The following C3orf20 variants were observed in gnomAD, a reference collection of about 807,000 sequenced individuals.
The protein encoded by C3orf20 is uncharacterized protein C3orf20.
Under a neutral mutation model 88.3 loss-of-function variants are expected in C3orf20, and 76 were observed. The observed-to-expected ratio is 0.86, with a 90% CI of 0.72 to 1.04. The LOEUF (loss-of-function observed/expected upper bound fraction) is 1.04, where lower values mean the gene tolerates loss of function less well. Ranked by LOEUF, C3orf20 falls within the 50% of genes least tolerant of loss-of-function variation. The pLI, the probability that C3orf20 is intolerant of heterozygous loss-of-function variation, is 0.00. For synonymous variants in C3orf20, 436 were observed against 437.4 expected (o/e 1.00, Z 0.04); for missense variants, 1,056 against 1,123.3 (o/e 0.94, Z 0.86).
chr3:14,694,695 TCTTATC>T (rs1176196997), intron 5 of C3orf20, among the ~76,000 whole-genome samples: 2 of 152,208 alleles, frequency 1.3e-5, no homozygotes, highest in African/African-American at 4.8e-5. Flanking sequence ...TTATTTCTGC[TCTTATC>T]CTTATTATTT....
At chr3:14,691,623 T>G (rs946896814) in intron 5 of C3orf20, among the ~76,000 whole-genome samples, 2 of 152,238 alleles carry the variant, frequency 1.3e-5, no homozygotes, top group Non-Finnish European at 2.9e-5. Flanking sequence ...TAACTTTTTT[T>G]AATTTTAAAT....
At chr3:14,688,086 TA>T (rs1203576787) in intron 4 of C3orf20, among the ~76,000 whole-genome samples, 1 of 152,164 alleles carries the variant, frequency 6.6e-6, no homozygotes, top group African/African-American at 2.4e-5. Context: ...TCATTCATCC[TA>T]AAAGGACTTT....
chr3:14,772,911 G>A lies in C3orf20; in HGVS notation c.*36G>A, dbSNP rs770586952. ...GCAGCAGCCAAGTGAGCCAGGCCCC[G>A]GCCCGGGGTGCTGGGGCTTCTTGCC... On this transcript the variant is annotated 3_prime_UTR_variant, in exon 17 of 17. Transcript: ENST00000253697. The surrounding 1 kb of genome is among the most constrained non-coding windows in gnomAD (Gnocchi z 4.2). The A allele has an allele frequency of 9.0e-6, 14 of 1,547,836 alleles. No homozygotes were observed. The highest frequency in any genetic ancestry group is 1.8e-4 in the Middle Eastern group (1 of 5,464).
rs760309641 is a variant in C3orf20 at position 14,682,868 on chromosome 3, A to T, written c.155A>T (p.Glu52Val). The change falls in exon 3 of 17, where the codon GAA becomes GTA. Residue 52 changes from glutamate to valine, a missense_variant. Coordinates refer to ENST00000253697, the MANE Select transcript of C3orf20 (RefSeq NM_032137.5). ...GIRNIFEFTW[E>V]ELISDPSVPT... ...AGAAACATCTTTGAGTTCACTTGGG[A>T]AGAGCTCATCAGTGACCCTTCAGTG... The T allele has an allele frequency of 6.2e-7, 1 of 1,614,078 alleles. No homozygotes were observed. Among genetic ancestry groups the T allele is most frequent in the Non-Finnish European group, 8.5e-7 (1 of 1,180,040 alleles).
intron 7 of C3orf20, among the ~76,000 whole-genome samples, chr3:14,711,712 T>G (rs1000570960): frequency 1.3e-5 from 2 of 151,044 alleles, no homozygotes; most frequent in Non-Finnish European, 2.9e-5. Context: ...CTTGGCTCGT[T>G]GCAACCTCCA....
chr3:14,721,982 CAGTTGTA>C (rs778489772), intron 10 of C3orf20, 198 bp downstream of exon 10: 6 of 604,612 alleles, frequency 9.9e-6, no homozygotes, highest in African/African-American at 1.9e-5. Context: ...AAGGGTCTTC[CAGTTGTA>C]AGTGACAGAA....
At chr3:14,710,509 C>G (rs1443530642) in intron 7 of C3orf20, among the ~76,000 whole-genome samples, 1 of 151,998 alleles carries the variant, frequency 6.6e-6, no homozygotes, top group African/African-American at 2.4e-5. Context: ...CTGAGTGTTG[C>G]TTTGCCTTTC....
chr3:14,690,225 T>C (rs1202199869), intron 5 of C3orf20, 109 bp downstream of exon 5: 1 of 1,464,944 alleles, frequency 6.8e-7, no homozygotes, highest in Non-Finnish European at 9.3e-7. Flanking sequence ...TTTGGTCTTC[T>C]GATTAGAAGG....
intron 1 of C3orf20, among the ~76,000 whole-genome samples, chr3:14,678,734 G>A (rs1003226366): frequency 4.6e-5 from 7 of 152,114 alleles, no homozygotes; most frequent in Admixed American, 2.0e-4. Context: ...ATATTTTTCC[G>A]TTTCTGGCAT....
At chr3:14,744,493 TA>T (rs2035004187) in intron 12 of C3orf20, among the ~76,000 whole-genome samples, 1 of 152,004 alleles carries the variant, frequency 6.6e-6, no homozygotes, top group Non-Finnish European at 1.5e-5. Context: ...CTTTGTCTGT[TA>T]CCCAGTTCCA....
At chr3:14,691,338 C>T (rs775673479) in intron 5 of C3orf20, among the ~76,000 whole-genome samples, 1 of 152,154 alleles carries the variant, frequency 6.6e-6, no homozygotes, top group Admixed American at 6.5e-5. Flanking sequence ...TATCATGTGC[C>T]CTCCTGAGCT....
chr3:14,765,903 C>T lies in C3orf20; in HGVS notation c.2495+4288C>T, dbSNP rs148485864. ...GGTGCTGGGGAAGAAAGGGTCCCCA[C>T]GGGGGCCTCATGAGCTCCAGCAGGG... On this transcript the variant is annotated intron_variant, in intron 15 of 16. Coordinates refer to ENST00000253697, the MANE Select transcript of C3orf20 (RefSeq NM_032137.5). Among the ~76,000 whole-genome samples, 50 of 152,336 alleles carry T rather than the reference C, an allele frequency of 3.3e-4. No individual in the cohort carries two copies. In the East Asian group the frequency reaches 8.5e-3, roughly 26 times the overall value.
chr3:14,745,102 C>G (rs1340877611), intron 12 of C3orf20, among the ~76,000 whole-genome samples: 1 of 152,206 alleles, frequency 6.6e-6, no homozygotes, highest in Non-Finnish European at 1.5e-5. Context: ...ACTGACAAAT[C>G]TGTTTGCCTG....
intron 3 of C3orf20, 139 bp from the exon 4 acceptor site, chr3:14,684,103 G>A: frequency 8.7e-7 from 1 of 1,150,754 alleles, no homozygotes; most frequent in South Asian, 1.5e-5. Flanking sequence ...GCCTTTCACA[G>A]TAGCCCCCTC....
intron 15 of C3orf20, among the ~76,000 whole-genome samples, chr3:14,764,507 A>ATTATTGTTGTTGTTG (rs1286567408): frequency 7.5e-5 from 10 of 132,842 alleles, no homozygotes; most frequent in African/African-American, 3.0e-4. Flanking sequence ...TATTATTATT[A>ATTATTGTTGTTGTTG]TTGTTGTTGT....
chr3:14,729,490 A>G (rs910814521), intron 12 of C3orf20, among the ~76,000 whole-genome samples: 4 of 152,210 alleles, frequency 2.6e-5, no homozygotes, highest in African/African-American at 9.7e-5. Flanking sequence ...GAGTTTGGTC[A>G]TGTAGCCTTG....
intron 12 of C3orf20, among the ~76,000 whole-genome samples, chr3:14,740,495 G>A (rs1008318108): frequency 2.0e-5 from 3 of 152,054 alleles, no homozygotes; most frequent in Admixed American, 6.5e-5. Flanking sequence ...AATATTGCAG[G>A]AATTACCAAA....
intron 7 of C3orf20, among the ~76,000 whole-genome samples, chr3:14,712,025 C>T (rs1458660392): frequency 6.6e-6 from 1 of 151,852 alleles, no homozygotes; most frequent in Non-Finnish European, 1.5e-5. Context: ...AATTTGTAAC[C>T]ACATGGAACC....
intron 5 of C3orf20, among the ~76,000 whole-genome samples, chr3:14,698,075 G>A (rs1383648941): frequency 2.6e-5 from 4 of 152,204 alleles, no homozygotes; most frequent in African/African-American, 7.2e-5. Flanking sequence ...TATATACCCA[G>A]TAATGGGATT....
Sources: gnomAD v4.1 joint callset for allele counts (sites outside exome capture counted in the v4.1 genomes callset) on GRCh38, gnomAD v4.1.1 for gene constraint, Gnocchi (gnomAD v3.1) non-coding constraint, MANE v1.5 for transcripts, NCBI Gene and HGNC (gene_info 2026-07-23, HGNC 2026-07-21) for gene names.